Variants in SPATS2 observed in about 807,000 individuals in gnomAD.
SPATS2 encodes spermatogenesis-associated serine-rich protein 2.
Under a neutral mutation model 63.7 loss-of-function variants are expected in SPATS2, and 38 were observed. The ratio of observed to expected loss-of-function variants is 0.60; its 90% CI spans 0.46 to 0.78. SPATS2 has a LOEUF of 0.78. Ranked by LOEUF, SPATS2 falls within the 30% of genes least tolerant of loss-of-function variation. SPATS2 has a pLI of 0.00. For synonymous variants in SPATS2, 207 were observed against 232.9 expected (o/e 0.89, Z 1.01); for missense variants, 588 against 666.2 (o/e 0.88, Z 1.29).
intron 6 of SPATS2, among the ~76,000 whole-genome samples, chr12:49,493,666 G>A (rs917463163): frequency 6.6e-6 from 1 of 152,066 alleles, no homozygotes; most frequent in Admixed American, 6.6e-5. Context: ...GCCTCCCAAA[G>A]TGTTGGGATT....
In SPATS2 at chr12:49,409,591, A is replaced by ATTTTTTTTTTTTTTTTTTTT. The variant is rs1565707922; in HGVS notation, c.-244+38301_-244+38302insTTTTTTTTTTTTTTTTTTTT. On this transcript the variant is annotated intron_variant, in intron 2 of 13. Coordinates refer to ENST00000552918, the MANE Select transcript of SPATS2 (RefSeq NM_023071.4). ...ACAGGCGTGAGCCACTGTGCCCAGCAATTTTTTTTTTTTTTTTTTTTTTTT... is the reference window on the plus strand; with the variant it reads ...ACAGGCGTGAGCCACTGTGCCCAGCATTTTTTTTTTTTTTTTTTTTATTTTTTTTTTTTTTTTTTTTTTTT... 1.6e-5 allele frequency among the ~76,000 whole-genome samples: 2 copies of ATTTTTTTTTTTTTTTTTTTT among 123,316 alleles called. 1 individual carries two copies. Among genetic ancestry groups the ATTTTTTTTTTTTTTTTTTTT allele is most frequent in the Non-Finnish European group, 3.3e-5 (2 of 60,602 alleles). 80.9% of individuals were successfully genotyped at this position (123,316 alleles called of 152,430 possible).
chr12:49,435,622 G>A lies in SPATS2; in HGVS notation c.-243-25148G>A, dbSNP rs112754439. Among the ~76,000 whole-genome samples the A allele has an allele frequency of 7.3e-3, 1,097 of 150,784 alleles. 8 individuals are homozygous for A. Among genetic ancestry groups the A allele is most frequent in the African/African-American group, 0.025 (1,032 of 41,128 alleles). On this transcript the variant is annotated intron_variant, in intron 2 of 13. Coordinates refer to ENST00000552918, the MANE Select transcript of SPATS2 (RefSeq NM_023071.4). ...ATAACAGGTGTGAGCCACCGTGCCC[G>A]GCTACTGAATGGTTTCTTTTTTTTT...
In SPATS2 at chr12:49,526,682, A is replaced by G. The variant is rs1947042169; in HGVS notation, c.*427A>G. On this transcript the variant is annotated 3_prime_UTR_variant, in exon 14 of 14. Coordinates refer to ENST00000552918, the MANE Select transcript of SPATS2 (RefSeq NM_023071.4). ...CCAAGAGAGGCAATCAGGGGGTTGT[A>G]TACTGCACTGGATTCGCCAGAGAAG... 5.9e-6 allele frequency: 1 copy of G among 170,232 alleles called. No individual in the cohort carries two copies. The allele number at this position is 170,232 out of a possible 1,614,324, so 10.5% of individuals were successfully genotyped here. A position where few individuals can be genotyped will look rare whatever the true frequency, so the allele number is the denominator to read the frequency against.
intron 9 of SPATS2, among the ~76,000 whole-genome samples, chr12:49,504,403 C>A (rs1320763263): frequency 1.3e-5 from 2 of 152,018 alleles, no homozygotes; most frequent in Admixed American, 1.3e-4. Flanking sequence ...ATTTGTCTGC[C>A]TTTCATTGTT....
chr12:49,415,485 A>C (rs994424346), intron 2 of SPATS2, among the ~76,000 whole-genome samples: 7 of 152,202 alleles, frequency 4.6e-5, no homozygotes, highest in African/African-American at 7.2e-5. Flanking sequence ...TCTGGAGCTT[A>C]TCTCTCTCTA....
intron 6 of SPATS2, 117 bp downstream of exon 6, chr12:49,490,848 A>G (rs918326885): frequency 2.0e-6 from 2 of 994,484 alleles, no homozygotes; most frequent in Non-Finnish European, 2.9e-6. Context: ...TACCTGGTTA[A>G]AAAACATCTT....
At chr12:49,382,529 G>A (rs925704498) in intron 2 of SPATS2, among the ~76,000 whole-genome samples, 2 of 152,170 alleles carry the variant, frequency 1.3e-5, no homozygotes, top group Non-Finnish European at 2.9e-5. Flanking sequence ...AATGTAGAGT[G>A]TGTGAAGCAA....
At chr12:49,501,554 C>G (rs550609587) in intron 9 of SPATS2, among the ~76,000 whole-genome samples, 1 of 152,298 alleles carries the variant, frequency 6.6e-6, no homozygotes, top group Admixed American at 6.5e-5. Flanking sequence ...CTAATGTTTC[C>G]TGGAACACTG....
In SPATS2 at chr12:49,484,547, A is replaced by G. The variant is rs762239507; in HGVS notation, c.26-43A>G. On this transcript the variant is annotated intron_variant, in intron 3 of 13. Transcript: ENST00000552918. ...GGCCCTTCTGTCTTAGGGATGGATTATATTTGGATCATGTTGAATATATTT... is the reference window on the plus strand; with the variant it reads ...GGCCCTTCTGTCTTAGGGATGGATTGTATTTGGATCATGTTGAATATATTT... The G allele has an allele frequency of 2.5e-5, 39 of 1,586,144 alleles. 1 individual carries two copies. The Admixed American group carries it at 5.1e-4, about 21-fold the overall frequency.
intron 2 of SPATS2, among the ~76,000 whole-genome samples, chr12:49,377,527 C>T (rs759834801): frequency 1.3e-5 from 2 of 152,148 alleles, no homozygotes; most frequent in Non-Finnish European, 2.9e-5. Flanking sequence ...AAGCTGAGAA[C>T]ACATCATCCT....
intron 3 of SPATS2, among the ~76,000 whole-genome samples, chr12:49,467,215 ATTTTTT>A (rs35462676): frequency 1.3e-4 from 16 of 119,930 alleles, no homozygotes; most frequent in East Asian, 5.0e-4. Flanking sequence ...TGCCTGGCTA[ATTTTTT>A]TTTTTTTTTT....
intron 11 of SPATS2, 84 bp downstream of exon 11, chr12:49,519,266 ATATAT>A: frequency 9.2e-7 from 1 of 1,082,968 alleles, no homozygotes. Context: ...GCCATATCTA[ATATAT>A]TAAACTCATG....
intron 3 of SPATS2, among the ~76,000 whole-genome samples, chr12:49,464,335 CT>C: frequency 6.6e-6 from 1 of 151,458 alleles, no homozygotes. Context: ...AAGACTCTGT[CT>C]TAGCCAGGTG....
chr12:49,491,001 A>G, intron 6 of SPATS2: 1 of 276,820 alleles, frequency 3.6e-6, no homozygotes, highest in Non-Finnish European at 6.9e-6. Context: ...AAAATTAGCC[A>G]GGTGTGGTGG....
intron 3 of SPATS2, among the ~76,000 whole-genome samples, chr12:49,482,488 C>T (rs977223273): frequency 6.6e-6 from 1 of 152,174 alleles, no homozygotes; most frequent in Admixed American, 6.6e-5. Context: ...ACTGCTTCCT[C>T]CTCACACTCA....
At position 49,527,128 on chromosome 12, in the gene SPATS2, G is replaced by A. The variant is rs1004304233; in HGVS notation, c.*873G>A. 8 of 151,642 alleles carry A rather than the reference G, an allele frequency of 5.3e-5. No homozygotes were observed. The highest frequency in any genetic ancestry group is 1.9e-4 in the African/African-American group (8 of 41,180). 9.4% of individuals were successfully genotyped at this position (151,642 alleles called of 1,614,324 possible). The stretch of plus-strand genomic sequence containing the variant: ...TGTAATCTCAGCTACTCAGGAGGCT[G>A]AGGCAGGAGAATCGCTTGAACCCAG... On this transcript the variant is annotated 3_prime_UTR_variant, in exon 14 of 14. Coordinates refer to ENST00000552918, the MANE Select transcript of SPATS2 (RefSeq NM_023071.4).
chr12:49,426,058 C>G (rs11611624), intron 2 of SPATS2, among the ~76,000 whole-genome samples: 2 of 152,116 alleles, frequency 1.3e-5, no homozygotes, highest in South Asian at 4.1e-4. Flanking sequence ...GAAAAGCCTG[C>G]GTGTACGCCA....
intron 4 of SPATS2, among the ~76,000 whole-genome samples, chr12:49,489,084 A>C (rs996521200): frequency 5.3e-5 from 8 of 152,218 alleles, no homozygotes; most frequent in African/African-American, 1.9e-4. Flanking sequence ...ATCTTACATA[A>C]AAATCTAAGT....
chr12:49,487,745 G>A (rs1287986650), intron 4 of SPATS2, among the ~76,000 whole-genome samples: 1 of 152,104 alleles, frequency 6.6e-6, no homozygotes, highest in Non-Finnish European at 1.5e-5. Flanking sequence ...CCACAGGCAT[G>A]TGCCACCACA....
Sources: allele counts gnomAD v4.1 joint callset (sites outside exome capture counted in the v4.1 genomes callset), GRCh38; gene constraint gnomAD v4.1.1; transcripts MANE v1.5; gene names NCBI Gene and HGNC (gene_info 2026-07-23, HGNC 2026-07-21).